The following COL4A4 variants were observed in gnomAD, a reference collection of about 807,000 sequenced individuals.
COL4A4 encodes collagen type IV alpha 4 chain, also known as collagen alpha-4(IV) chain.
COL4A4 carries 105 observed loss-of-function variants against 192.9 expected under a neutral mutation model. That is an observed-to-expected ratio of 0.54 (90% CI 0.46 to 0.64). The LOEUF (loss-of-function observed/expected upper bound fraction) is 0.64, where lower values mean the gene tolerates loss of function less well. COL4A4 is among the 30% of genes least tolerant of loss of function. COL4A4 has a pLI of 0.00. For missense variants in COL4A4, 1,967 were observed against 2,169.3 expected (o/e 0.91, Z 1.85); for synonymous variants, 762 against 769.9 (o/e 0.99, Z 0.17).
the COL4A4 span, among the ~76,000 whole-genome samples, chr2:226,979,575 G>A: frequency 6.6e-6 from 1 of 152,180 alleles, no homozygotes; most frequent in Admixed American, 6.5e-5. Flanking sequence ...CAGGAGGAGA[G>A]GAAGCAAGCA....
chr2:227,156,358 A>G (rs150040206), intron 1 of COL4A4, among the ~76,000 whole-genome samples: 35 of 151,116 alleles, frequency 2.3e-4, no homozygotes, highest in African/African-American at 8.3e-4. Flanking sequence ...AGATCAGGCC[A>G]CTGCAGCCAA....
At chr2:227,036,337 A>G (rs1293943885) in intron 37 of COL4A4, among the ~76,000 whole-genome samples, 1 of 152,170 alleles carries the variant, frequency 6.6e-6, no homozygotes, top group Admixed American at 6.5e-5. Flanking sequence ...ACATTACTCG[A>G]CACACCCAAG....
At chr2:227,065,271 T>C (rs6749024) in intron 25 of COL4A4, among the ~76,000 whole-genome samples, 2,434 of 152,192 alleles carry the variant, frequency 0.016, 54 homozygotes, top group African/African-American at 0.055. Flanking sequence ...CAGTCTGAGA[T>C]CAAACTGCAA....
intron 4 of COL4A4, among the ~76,000 whole-genome samples, chr2:227,131,352 T>C (rs1017038607): frequency 6.6e-6 from 1 of 152,108 alleles, no homozygotes; most frequent in Non-Finnish European, 1.5e-5. Context: ...AGACAGGTTT[T>C]CGCCATGTTA....
chr2:227,085,934 T>C (rs920768507), intron 22 of COL4A4, among the ~76,000 whole-genome samples: 2 of 152,208 alleles, frequency 1.3e-5, no homozygotes, highest in Non-Finnish European at 2.9e-5. Context: ...ATGTACCTTA[T>C]ACAGTGTGCA....
intron 37 of COL4A4, among the ~76,000 whole-genome samples, chr2:227,041,750 G>A (rs1970949613): frequency 1.8e-5 from 2 of 108,154 alleles, no homozygotes; most frequent in African/African-American, 3.7e-5. Context: ...AAGGAAGGAA[G>A]GAAGGAAGGA....
chr2:227,059,410 G>A lies in COL4A4; in HGVS notation c.2378C>T (p.Ala793Val), dbSNP rs377676207. 8.7e-6 allele frequency: 14 copies of A among 1,613,872 alleles called. No homozygotes were observed. Among genetic ancestry groups the A allele is most frequent in the Non-Finnish European group, 1.2e-5 (14 of 1,179,778 alleles). The change falls in exon 28 of 48, where the codon GCT (alanine) becomes GTT (valine). Residue 793 changes from alanine to valine, a missense_variant. Coordinates refer to ENST00000396625, the MANE Select transcript of COL4A4 (RefSeq NM_000092.5). ...GGACAGCAAAGCCCTCATACCTTCAGCCCCTGGACATCCCGGATCACCTCT... is the reference window on the plus strand; with the variant it reads ...GGACAGCAAAGCCCTCATACCTTCAACCCCTGGACATCCCGGATCACCTCT... ...GPRGDPGCPG[A>V]EGPAGIPGFL...
In COL4A4 at chr2:227,056,071, C is replaced by T. The variant is rs937550597; in HGVS notation, c.2590G>A (p.Gly864Arg). ...GGGAGGCCTTTCATTCCAGCTGGCCCGGGAGGCCCCACATCTCCCGGCTGT... is the reference window on the plus strand; with the variant it reads ...GGGAGGCCTTTCATTCCAGCTGGCCTGGGAGGCCCCACATCTCCCGGCTGT... ...KGQPGDVGPP[G>R]PAGMKGLPGL... Residue 864 changes from glycine to arginine, a missense_variant, in exon 30 of 48, where the codon GGG becomes AGG. Physicochemically the swap from Gly to Arg is moderately radical, Grantham distance 125 (BLOSUM62 -2). Coordinates refer to ENST00000396625, the MANE Select transcript of COL4A4 (RefSeq NM_000092.5). 2.1e-5 allele frequency: 34 copies of T among 1,613,904 alleles called. No individual in the cohort carries two copies. Among genetic ancestry groups the T allele is most frequent in the Middle Eastern group, 1.6e-4 (1 of 6,066 alleles).
intron 1 of COL4A4, among the ~76,000 whole-genome samples, chr2:227,156,243 C>A (rs113499932): frequency 0.047 from 7,108 of 151,232 alleles, 208 homozygotes; most frequent in Admixed American, 0.086. Flanking sequence ...TACAAAAAAA[C>A]AAAAAATTTA....
At chr2:226,970,282 C>G in the COL4A4 span, among the ~76,000 whole-genome samples, 1 of 151,920 alleles carries the variant, frequency 6.6e-6, no homozygotes, top group African/African-American at 2.4e-5. Flanking sequence ...AGAAATAAAA[C>G]TGAATTGAGG....
chr2:227,140,352 G>C, intron 3 of COL4A4, 114 bp from the exon 4 acceptor site: 1 of 790,020 alleles, frequency 1.3e-6, no homozygotes. Context: ...GAGAAGAAAA[G>C]ACTAATCATG....
At chr2:227,058,156 C>T (rs948605490) in intron 28 of COL4A4, among the ~76,000 whole-genome samples, 10 of 152,274 alleles carry the variant, frequency 6.6e-5, no homozygotes, top group East Asian at 1.9e-4. Context: ...GTTGTTGGAG[C>T]GCTTCAGATT....
chr2:227,098,574 G>A (rs2060331126), intron 19 of COL4A4, 120 bp downstream of exon 19: 4 of 769,010 alleles, frequency 5.2e-6, no homozygotes, highest in East Asian at 2.7e-5. Flanking sequence ...ACAGGCATCG[G>A]TATTATTTTA....
intron 46 of COL4A4, among the ~76,000 whole-genome samples, chr2:227,009,515 C>G (rs1016510272): frequency 2.0e-5 from 3 of 151,978 alleles, no homozygotes; most frequent in Non-Finnish European, 4.4e-5. Context: ...ACCTACCTGG[C>G]CGCAAGACCC....
intron 45 of COL4A4, 65 bp from the exon 46 acceptor site, chr2:227,010,566 C>T: frequency 7.5e-7 from 1 of 1,340,206 alleles, no homozygotes; most frequent in Non-Finnish European, 1.0e-6. Context: ...ATATGTTAAG[C>T]ACCTCTGTTC....
chr2:227,025,949 G>T, intron 42 of COL4A4, 139 bp from the exon 43 acceptor site: 1 of 707,966 alleles, frequency 1.4e-6, no homozygotes, highest in Non-Finnish European at 2.5e-6. Context: ...TCAATGACAA[G>T]CAGAATGGCA....
intron 2 of COL4A4, 127 bp downstream of exon 2, chr2:227,147,286 T>A (rs764702861): frequency 3.4e-5 from 30 of 884,882 alleles, no homozygotes; most frequent in Non-Finnish European, 5.7e-5. Context: ...ATGGCAGACA[T>A]ACCCTTAGCT....
intron 46 of COL4A4, among the ~76,000 whole-genome samples, chr2:227,009,337 CAG>C (rs1479983815): frequency 6.6e-6 from 1 of 152,216 alleles, no homozygotes; most frequent in Non-Finnish European, 1.5e-5. Flanking sequence ...CTTGGAAAGA[CAG>C]TGTTTCCCGG....
chr2:227,155,879 A>G (rs1405296255), intron 1 of COL4A4, among the ~76,000 whole-genome samples: 1 of 152,188 alleles, frequency 6.6e-6, no homozygotes, highest in Non-Finnish European at 1.5e-5. Context: ...TTATGCAACT[A>G]AAAATTACAC....
Sources: allele counts gnomAD v4.1 joint callset (sites outside exome capture counted in the v4.1 genomes callset), GRCh38; gene constraint gnomAD v4.1.1; transcripts MANE v1.5; gene names NCBI Gene and HGNC (gene_info 2026-07-23, HGNC 2026-07-21).